PALM2AKAP2: variants seen among roughly 807,000 people sequenced by gnomAD.
The protein encoded by PALM2AKAP2 is PALM2-AKAP2 fusion protein.
In PALM2AKAP2, 37 loss-of-function variants were observed where a neutral mutation model predicts 71.5. The observed-to-expected ratio is 0.52, with a 90% confidence interval of 0.40 to 0.68. The LOEUF (loss-of-function observed/expected upper bound fraction) is 0.68, where lower values mean the gene tolerates loss of function less well. Ranked by LOEUF, PALM2AKAP2 falls within the 30% of genes least tolerant of loss-of-function variation. PALM2AKAP2 has a pLI of 0.00. For missense variants in PALM2AKAP2, 1,224 were observed against 1,191.8 expected, an observed-to-expected ratio of 1.03 and a Z score of -0.40; for synonymous variants, 468 against 478.8, an observed-to-expected ratio of 0.98 and a Z score of 0.29.
intron 1 of PALM2AKAP2, chr9:109,866,901 A>G (rs1829462021): frequency 2.5e-6 from 1 of 393,468 alleles, no homozygotes; most frequent in Admixed American, 2.9e-5. Flanking sequence ...CCCCACCCAC[A>G]TGAAATGCTA....
chr9:109,839,249 G>A (rs553596591), intron 1 of PALM2AKAP2, among the ~76,000 whole-genome samples: 161 of 152,188 alleles, frequency 1.1e-3, no homozygotes, highest in African/African-American at 3.6e-3. Context: ...ATCAATAAAC[G>A]TAATCCAGCA....
chr9:110,010,149 A>G (rs1472851249), intron 6 of PALM2AKAP2, among the ~76,000 whole-genome samples: 1 of 152,232 alleles, frequency 6.6e-6, no homozygotes, highest in Non-Finnish European at 1.5e-5. Flanking sequence ...TTATAAACAT[A>G]ACCTCAGCTA....
chr9:109,765,489 C>G (rs1134690), intron 1 of PALM2AKAP2: 30,773 of 152,832 alleles, frequency 0.2, 3,223 homozygotes, highest in South Asian at 0.31. Context: ...TCATCATCAT[C>G]ATCATCATCA....
chr9:109,985,052 T>G (rs1362771020), intron 6 of PALM2AKAP2, among the ~76,000 whole-genome samples: 1 of 151,984 alleles, frequency 6.6e-6, no homozygotes, highest in Non-Finnish European at 1.5e-5. Context: ...GGTGCACGCC[T>G]GCAGTCCCAG....
chr9:109,768,550 C>A lies in PALM2AKAP2; in HGVS notation c.6-11938C>A, dbSNP rs576282084. 4.6e-5 allele frequency among the ~76,000 whole-genome samples: 7 copies of A among 152,228 alleles called. No individual in the cohort carries two copies. The South Asian group carries it at 1.5e-3, about 32-fold the overall frequency. ...TCTCTTTTAGCTATTTTGAAATATG[C>A]AATTTTTTAAATAATACTGCTAAAT... is the stretch of plus-strand genomic sequence containing the variant. On this transcript the variant is annotated intron_variant, in intron 1 of 6. Transcript: ENST00000374531.
upstream of PALM2AKAP2, among the ~76,000 whole-genome samples, chr9:109,776,804 G>A (rs563563741): frequency 2.0e-5 from 3 of 152,268 alleles, no homozygotes; most frequent in African/African-American, 7.2e-5. Context: ...TCTCTTCTTT[G>A]GCTTTTTGTC....
intron 3 of PALM2AKAP2, among the ~76,000 whole-genome samples, chr9:109,920,436 A>G (rs997246119): frequency 1.3e-5 from 2 of 151,398 alleles, no homozygotes; most frequent in Admixed American, 1.3e-4. Flanking sequence ...CAGTGGTGCA[A>G]TCTGGGCTCG....
At chr9:109,739,320 C>T (rs1200910495) in intron 1 of PALM2AKAP2, among the ~76,000 whole-genome samples, 4 of 152,070 alleles carry the variant, frequency 2.6e-5, no homozygotes, top group South Asian at 2.1e-4. Flanking sequence ...GATGGGGAAA[C>T]GGAAGTGTGG....
chr9:109,917,097 G>A (rs190904107), intron 3 of PALM2AKAP2, among the ~76,000 whole-genome samples: 58 of 152,312 alleles, frequency 3.8e-4, no homozygotes, highest in Non-Finnish European at 4.3e-4. Flanking sequence ...ATGTGGAAGA[G>A]GGAGGCAGAA....
chr9:109,656,631 C>A (rs6477717), intron 1 of PALM2AKAP2, among the ~76,000 whole-genome samples: 47,302 of 151,926 alleles, frequency 0.31, 8,501 homozygotes, highest in African/African-American at 0.49. Flanking sequence ...TGTAGTTTAA[C>A]AAGATGGTTA....
upstream of PALM2AKAP2, among the ~76,000 whole-genome samples, chr9:109,776,442 G>T (rs1411285399): frequency 6.6e-6 from 1 of 152,236 alleles, no homozygotes; most frequent in Non-Finnish European, 1.5e-5. Flanking sequence ...TCACAGGAGA[G>T]ATGGAACGTC....
chr9:109,656,442 C>T (rs1178638693), intron 1 of PALM2AKAP2, among the ~76,000 whole-genome samples: 2 of 152,188 alleles, frequency 1.3e-5, no homozygotes, highest in Non-Finnish European at 2.9e-5. Context: ...CCCTTGAAAA[C>T]ACATTACTAG....
At chr9:109,931,602 A>G (rs898766807) in intron 5 of PALM2AKAP2, among the ~76,000 whole-genome samples, 3 of 152,188 alleles carry the variant, frequency 2.0e-5, no homozygotes, top group African/African-American at 7.2e-5. Context: ...CACCAAGTTG[A>G]TAATGGCTCC....
At chr9:109,878,011 A>G (rs947433506) in intron 2 of PALM2AKAP2, among the ~76,000 whole-genome samples, 2 of 152,248 alleles carry the variant, frequency 1.3e-5, no homozygotes, top group Admixed American at 6.5e-5. Context: ...GCCTCTCATA[A>G]TGTGCAAAAC....
intron 1 of PALM2AKAP2, among the ~76,000 whole-genome samples, chr9:109,781,916 A>G (rs188316917): frequency 2.2e-4 from 33 of 152,324 alleles, no homozygotes; most frequent in African/African-American, 7.5e-4. Context: ...CATGAACTTG[A>G]TAAGAATGGT....
chr9:109,661,102 A>G (rs1202671331), intron 1 of PALM2AKAP2, among the ~76,000 whole-genome samples: 3 of 152,138 alleles, frequency 2.0e-5, no homozygotes, highest in Admixed American at 6.5e-5. Context: ...ATTTTCTCCC[A>G]TTCTGTAGGT....
intron 1 of PALM2AKAP2, among the ~76,000 whole-genome samples, chr9:110,096,838 G>A (rs1564302514): frequency 6.6e-6 from 1 of 152,046 alleles, no homozygotes; most frequent in Non-Finnish European, 1.5e-5. Flanking sequence ...ATGCAAATGG[G>A]AAGGCTATTG....
At chr9:109,996,953 C>T (rs1470121079) in intron 6 of PALM2AKAP2, among the ~76,000 whole-genome samples, 2 of 152,190 alleles carry the variant, frequency 1.3e-5, no homozygotes, top group African/African-American at 4.8e-5. Context: ...CTTTGGGAGG[C>T]TGAAGCAGGT....
chr9:110,069,485 T>A (rs1210295904), intron 1 of PALM2AKAP2, among the ~76,000 whole-genome samples: 34 of 152,196 alleles, frequency 2.2e-4, no homozygotes. Context: ...ATGTCATTCT[T>A]GTGGCTTGTT....
Sources: allele counts gnomAD v4.1 joint callset (sites outside exome capture counted in the v4.1 genomes callset), GRCh38; gene constraint gnomAD v4.1.1; transcripts MANE v1.5; gene names NCBI Gene and HGNC (gene_info 2026-07-23, HGNC 2026-07-21).